The following TRIP12 variants were observed in gnomAD, a reference collection of about 807,000 sequenced individuals.
The protein encoded by TRIP12 is E3 ubiquitin-protein ligase TRIP12.
Under a neutral mutation model 244.2 loss-of-function variants are expected in TRIP12, and 25 were observed. The ratio of observed to expected loss-of-function variants is 0.10; its 90% CI spans 0.07 to 0.14. The LOEUF is 0.14. TRIP12 is among the 10% of genes least tolerant of loss of function. The probability of loss-of-function intolerance (pLI) is 1.00; values close to 1 mark genes in which losing one functional copy is unlikely to be tolerated. For synonymous variants in TRIP12, 905 were observed against 873.1 expected, an observed-to-expected ratio of 1.04 and a Z score of -0.64; for missense variants, 1,677 against 2,486.4, an observed-to-expected ratio of 0.67 and a Z score of 6.92.
chr2:229,781,413 A>C (rs1201559417), intron 34 of TRIP12, among the ~76,000 whole-genome samples: 1 of 152,210 alleles, frequency 6.6e-6, no homozygotes, highest in Non-Finnish European at 1.5e-5. Flanking sequence ...ATTGCAGCTC[A>C]TTTTATCATT....
chr2:229,808,876 C>T (rs2046538407), intron 15 of TRIP12, among the ~76,000 whole-genome samples: 1 of 152,188 alleles, frequency 6.6e-6, no homozygotes. Context: ...AAGGATCAGG[C>T]AGGCATTCTC....
At chr2:229,785,521 A>C (rs558711841) in intron 34 of TRIP12, among the ~76,000 whole-genome samples, 2 of 152,324 alleles carry the variant, frequency 1.3e-5, no homozygotes, top group South Asian at 4.1e-4. Flanking sequence ...ATATCCTTTC[A>C]ATTTATCAAC....
At chr2:229,829,131 C>G in intron 8 of TRIP12, 62 bp downstream of exon 8, 1 of 1,472,650 alleles carries the variant, frequency 6.8e-7, no homozygotes, top group Non-Finnish European at 9.5e-7. Flanking sequence ...CAATAGGTTA[C>G]AAGTAACAAT....
chr2:229,872,943 A>T (rs964173405), intron 2 of TRIP12, among the ~76,000 whole-genome samples: 3 of 152,212 alleles, frequency 2.0e-5, no homozygotes, highest in Non-Finnish European at 4.4e-5. Flanking sequence ...TTTACACAAT[A>T]AACTGGTAAG....
At chr2:229,826,800 T>C (rs979500485) in intron 8 of TRIP12, among the ~76,000 whole-genome samples, 7 of 152,130 alleles carry the variant, frequency 4.6e-5, no homozygotes, top group African/African-American at 1.7e-4. Flanking sequence ...AAAAATATGA[T>C]ATAAAAGATT....
rs1339359825 is a variant in TRIP12 at position 229,867,166 on chromosome 2, TG to T, written c.99-6636del. On this transcript the variant is annotated intron_variant, in intron 2 of 41. Coordinates refer to ENST00000675903, the MANE Select transcript of TRIP12 (RefSeq NM_001348323.3). ...CAGGGAAGGTTTTTTTTTGTTTGTTTGTTTGTTTTTTTTTTTTGAGACAGAT... is the reference window on the plus strand; with the variant it reads ...CAGGGAAGGTTTTTTTTTGTTTGTTTTTTGTTTTTTTTTTTTGAGACAGAT... 1.2e-4 allele frequency among the ~76,000 whole-genome samples: 7 copies of T among 56,608 alleles called. No individual in the cohort carries two copies. The Admixed American group carries it at 1.4e-3, about 11-fold the overall frequency. The allele number at this position is 56,608 out of a possible 152,430, so 37.1% of individuals were successfully genotyped here. A position where few individuals can be genotyped will look rare whatever the true frequency, so the allele number is the denominator to read the frequency against.
chr2:229,807,463 G>T, intron 17 of TRIP12: 1 of 524,296 alleles, frequency 1.9e-6, no homozygotes. Context: ...GGAAACTATG[G>T]AACAACAAAC....
At chr2:229,804,484 C>T (rs531799087) in intron 18 of TRIP12, among the ~76,000 whole-genome samples, 5 of 152,284 alleles carry the variant, frequency 3.3e-5, no homozygotes, top group South Asian at 2.1e-4. Flanking sequence ...AATTCATCAC[C>T]GCACTGTACC....
intron 5 of TRIP12, among the ~76,000 whole-genome samples, chr2:229,838,947 A>G (rs961554868): frequency 3.9e-5 from 6 of 152,236 alleles, no homozygotes; most frequent in African/African-American, 1.2e-4. Flanking sequence ...ATAAGAACCA[A>G]AAGAAGTGGA....
intron 34 of TRIP12, 123 bp from the exon 35 acceptor site, chr2:229,779,113 CA>C: frequency 1.3e-6 from 1 of 761,318 alleles, no homozygotes; most frequent in Non-Finnish European, 2.2e-6. Context: ...GATTATTTTC[CA>C]AAATGTCCTG....
rs573198300 is a variant in TRIP12 at position 229,867,879 on chromosome 2, A to G, written c.99-7348T>C. ...AGGAAATTACTAATAGAAAACATAT[A>G]AACTATTACTTTGTAGGCCCCCCCA... is the stretch of plus-strand genomic sequence containing the variant. On this transcript the variant is annotated intron_variant, in intron 2 of 41. Transcript: ENST00000675903. Among the ~76,000 whole-genome samples, 15 of 152,358 alleles carry G rather than the reference A, an allele frequency of 9.8e-5. No individual in the cohort carries two copies. In the East Asian group the frequency reaches 2.7e-3, roughly 27 times the overall value.
intron 2 of TRIP12, among the ~76,000 whole-genome samples, chr2:229,878,414 C>T (rs1433774367): frequency 1.3e-5 from 2 of 149,556 alleles, no homozygotes; most frequent in Non-Finnish European, 3.0e-5. Flanking sequence ...CATGCCGCTG[C>T]ACTCCAGCCT....
intron 26 of TRIP12, among the ~76,000 whole-genome samples, chr2:229,794,567 A>G (rs1251169647): frequency 2.8e-5 from 1 of 36,050 alleles, no homozygotes; most frequent in Non-Finnish European, 5.5e-5. Flanking sequence ...CTCTGTCCCA[A>G]AATAAATAAA....
At position 229,778,730 on chromosome 2, in the gene TRIP12, C is replaced by G; in HGVS notation, c.5210-143G>C. The stretch of plus-strand genomic sequence containing the variant: ...ATGAAGTCCTCTAGAACTGGACAGG[C>G]CTTCCCTATTTGATAAATGAGAAAA... On this transcript the variant is annotated intron_variant, in intron 35 of 41. Transcript: ENST00000675903. The surrounding 1 kb of genome is among the most constrained non-coding windows in gnomAD (Gnocchi z 4.1). 1 of 1,338,612 alleles carries G rather than the reference C, an allele frequency of 7.5e-7. No individual in the cohort carries two copies. The highest frequency in any genetic ancestry group is 1.0e-6 in the Non-Finnish European group (1 of 969,446). 82.9% of individuals were successfully genotyped at this position (1,338,612 alleles called of 1,614,324 possible). A position where few individuals can be genotyped will look rare whatever the true frequency, so the allele number is the denominator to read the frequency against.
At position 229,774,132 on chromosome 2, in the gene TRIP12, G is replaced by A; in HGVS notation, c.5659C>T (p.Pro1887Ser). The A allele has an allele frequency of 1.9e-6, 3 of 1,614,066 alleles. No individual in the cohort carries two copies. The highest frequency in any genetic ancestry group is 1.7e-6 in the Non-Finnish European group (2 of 1,179,988). ...TCCTCTAAATTGTGGATAGTGACTGGTATATCCTTCCCTCCTTTCTTCAGT... is the reference window on the plus strand; with the variant it reads ...TCCTCTAAATTGTGGATAGTGACTGATATATCCTTCCCTCCTTTCTTCAGT... Reference protein sequence around the residue: ...IELKKGGKDIPVTIHNLEEYL... With the variant: ...IELKKGGKDISVTIHNLEEYL... The change falls in exon 38 of 42, where the codon CCA becomes TCA. Residue 1887 changes from proline to serine, a missense_variant. Pro to Ser is a moderately conservative substitution (Grantham distance 74). Coordinates refer to ENST00000675903, the MANE Select transcript of TRIP12 (RefSeq NM_001348323.3).
At chr2:229,885,972 T>G (rs2065926182) in intron 1 of TRIP12, among the ~76,000 whole-genome samples, 2 of 152,046 alleles carry the variant, frequency 1.3e-5, no homozygotes, top group Admixed American at 1.3e-4. Flanking sequence ...TACCTGAACA[T>G]GATAGCTGCC....
intron 31 of TRIP12, 57 bp downstream of exon 31, chr2:229,789,554 T>C (rs2040912960): frequency 7.6e-6 from 12 of 1,569,014 alleles, no homozygotes; most frequent in Non-Finnish European, 1.0e-5. Context: ...TCTAGTGCAA[T>C]AGGAAATTTA....
chr2:229,856,267 G>GA lies in TRIP12; in HGVS notation c.1027+2504dup, dbSNP rs2059598226. Among the ~76,000 whole-genome samples the GA allele has an allele frequency of 2.6e-5, 4 of 152,284 alleles. No homozygotes were observed. The South Asian group carries it at 8.3e-4, about 32-fold the overall frequency. On this transcript the variant is annotated intron_variant, in intron 4 of 41. Coordinates refer to ENST00000675903, the MANE Select transcript of TRIP12 (RefSeq NM_001348323.3). ...GAACACAGATACTGTGCAAGTGAATGAAATAATGGTGAAATGAGTTTTAAA... is the reference window on the plus strand; with the variant it reads ...GAACACAGATACTGTGCAAGTGAATGAAAATAATGGTGAAATGAGTTTTAAA...
intron 2 of TRIP12, among the ~76,000 whole-genome samples, chr2:229,876,522 A>C (rs1159397242): frequency 1.3e-5 from 2 of 152,218 alleles, no homozygotes; most frequent in Non-Finnish European, 1.5e-5. Context: ...ACTGGCTTAA[A>C]CTACATGAAC....
Sources: allele counts gnomAD v4.1 joint callset (sites outside exome capture counted in the v4.1 genomes callset), GRCh38; gene constraint gnomAD v4.1.1; non-coding constraint Gnocchi (gnomAD v3.1); transcripts MANE v1.5; gene names NCBI Gene and HGNC (gene_info 2026-07-23, HGNC 2026-07-21).